KLF12: variants seen among roughly 807,000 people sequenced by gnomAD.
KLF12 encodes KLF transcription factor 12.
A neutral mutation model predicts 37.8 loss-of-function variants in KLF12; 9 were observed. The ratio of observed to expected loss-of-function variants is 0.24; its 90% CI spans 0.14 to 0.42. The LOEUF is 0.42. Ranked by LOEUF, KLF12 falls within the 10% of genes least tolerant of loss-of-function variation. The pLI, the probability that KLF12 is intolerant of heterozygous loss-of-function variation, is 1.00. For missense variants in KLF12, 411 were observed against 516.0 expected (o/e 0.80, Z 1.97); for synonymous variants, 208 against 202.1 (o/e 1.03, Z -0.25).
chr13:74,272,440 T>C, the KLF12 span, among the ~76,000 whole-genome samples: 1 of 152,166 alleles, frequency 6.6e-6, no homozygotes, highest in Non-Finnish European at 1.5e-5. Flanking sequence ...GCAGTGCTAC[T>C]GAGTCAAACT....
chr13:73,811,604 C>T (rs1160600018), intron 5 of KLF12, among the ~76,000 whole-genome samples: 1 of 152,126 alleles, frequency 6.6e-6, no homozygotes, highest in Non-Finnish European at 1.5e-5. Context: ...TTACTTTTCA[C>T]ACCTCGTAGC....
chr13:73,748,363 A>C (rs1406125283), intron 6 of KLF12, among the ~76,000 whole-genome samples: 1 of 152,200 alleles, frequency 6.6e-6, no homozygotes, highest in Non-Finnish European at 1.5e-5. Context: ...TGTGTCCCCC[A>C]AAATTCACAC....
chr13:73,745,193 T>C (rs903711732), intron 6 of KLF12, among the ~76,000 whole-genome samples: 4 of 152,248 alleles, frequency 2.6e-5, no homozygotes, highest in Admixed American at 2.6e-4. Context: ...TTTGCACATG[T>C]GCTCTTTGAC....
At chr13:73,993,350 C>G (rs1326546891) in intron 2 of KLF12, among the ~76,000 whole-genome samples, 1 of 152,176 alleles carries the variant, frequency 6.6e-6, no homozygotes, top group Non-Finnish European at 1.5e-5. Flanking sequence ...AAATTACAGT[C>G]AATCATAATA....
At chr13:74,291,011 T>G in the KLF12 span, among the ~76,000 whole-genome samples, 1 of 152,236 alleles carries the variant, frequency 6.6e-6, no homozygotes, top group African/African-American at 2.4e-5. Flanking sequence ...CTTATTCCAC[T>G]TATTCTACAA....
chr13:74,241,770 C>T, the KLF12 span, among the ~76,000 whole-genome samples: 44 of 152,286 alleles, frequency 2.9e-4, no homozygotes, highest in African/African-American at 9.6e-4. Flanking sequence ...CTGACCCCTT[C>T]CCAAGTGAGG....
chr13:73,969,209 C>G (rs1891259471), intron 2 of KLF12, among the ~76,000 whole-genome samples: 1 of 152,070 alleles, frequency 6.6e-6, no homozygotes, highest in Admixed American at 6.6e-5. Context: ...TTTGGAGGTT[C>G]TAAAGCAGCC....
intron 6 of KLF12, among the ~76,000 whole-genome samples, chr13:73,730,240 T>C (rs1475562946): frequency 6.6e-6 from 1 of 152,158 alleles, no homozygotes; most frequent in Non-Finnish European, 1.5e-5. Flanking sequence ...GCTCTTTGCA[T>C]CTTGCTGGGG....
At chr13:73,846,416 A>C in intron 3 of KLF12, 43 bp from the exon 4 acceptor site, 1 of 1,535,460 alleles carries the variant, frequency 6.5e-7, no homozygotes, top group Non-Finnish European at 8.8e-7. Context: ...TTTGTTTATC[A>C]CACATTTTAT....
At chr13:73,944,892 C>T (rs1890349378) in intron 2 of KLF12, among the ~76,000 whole-genome samples, 1 of 152,120 alleles carries the variant, frequency 6.6e-6, no homozygotes, top group African/African-American at 2.4e-5. Flanking sequence ...GCCTAAGGCC[C>T]AAATCAGGCT....
At chr13:74,103,306 TC>T (rs1239499949) in intron 1 of KLF12, among the ~76,000 whole-genome samples, 1 of 152,224 alleles carries the variant, frequency 6.6e-6, no homozygotes, top group Admixed American at 6.5e-5. Flanking sequence ...AATAGGAGTA[TC>T]CTTGTAGCTG....
intron 2 of KLF12, among the ~76,000 whole-genome samples, chr13:73,948,143 C>T (rs532991314): frequency 2.8e-4 from 42 of 152,174 alleles, no homozygotes; most frequent in Non-Finnish European, 6.0e-4. Context: ...CCCACATCTA[C>T]ATTATGCTAG....
chr13:73,849,934 C>T (rs1169263019), intron 3 of KLF12, among the ~76,000 whole-genome samples: 6 of 152,102 alleles, frequency 3.9e-5, no homozygotes, highest in Non-Finnish European at 8.8e-5. Flanking sequence ...CTAAAACCCT[C>T]CTTCTAACAA....
At chr13:73,756,434 C>T (rs903986388) in intron 6 of KLF12, among the ~76,000 whole-genome samples, 15 of 152,094 alleles carry the variant, frequency 9.9e-5, no homozygotes, top group Admixed American at 9.8e-4. Context: ...AGAATGCTGT[C>T]TATTTTGACT....
chr13:73,903,478 T>A (rs1436879827), intron 3 of KLF12, among the ~76,000 whole-genome samples: 1 of 152,264 alleles, frequency 6.6e-6, no homozygotes, highest in African/African-American at 2.4e-5. Flanking sequence ...CATTTTACTA[T>A]GAAATTTAGT....
At chr13:74,039,858 G>A (rs958694282) in intron 1 of KLF12, among the ~76,000 whole-genome samples, 1 of 152,182 alleles carries the variant, frequency 6.6e-6, no homozygotes. Context: ...ACATAACACT[G>A]TCCTGTCATG....
chr13:74,286,666 C>A, the KLF12 span, among the ~76,000 whole-genome samples: 1 of 152,142 alleles, frequency 6.6e-6, no homozygotes, highest in Admixed American at 6.5e-5. Context: ...AGGTAATTTG[C>A]ATTTTTAAAG....
chr13:73,933,168 T>A lies in KLF12; in HGVS notation c.123+10813A>T, dbSNP rs114148270. 7.9e-5 allele frequency among the ~76,000 whole-genome samples: 12 copies of A among 152,312 alleles called. No individual in the cohort carries two copies. In the East Asian group the frequency reaches 2.1e-3, roughly 27 times the overall value. The stretch of plus-strand genomic sequence containing the variant: ...GAAACTATTATGTTCTCTTAATGAA[T>A]TGACATCCTTATTATGAGATGCTCA... On this transcript the variant is annotated intron_variant, in intron 3 of 7. Coordinates refer to ENST00000377669, the MANE Select transcript of KLF12 (RefSeq NM_007249.5).
At chr13:74,166,561 A>G in the KLF12 span, among the ~76,000 whole-genome samples, 1 of 152,126 alleles carries the variant, frequency 6.6e-6, no homozygotes, top group East Asian at 1.9e-4. Flanking sequence ...ACTCCTACTT[A>G]AGTAGCTCAC....
Sources: allele counts gnomAD v4.1 joint callset (sites outside exome capture counted in the v4.1 genomes callset), GRCh38; gene constraint gnomAD v4.1.1; transcripts MANE v1.5; gene names NCBI Gene and HGNC (gene_info 2026-07-23, HGNC 2026-07-21).